Variants in CHP1 observed in about 807,000 individuals in gnomAD.
CHP1 encodes the protein calcineurin B homologous protein 1.
In CHP1, 11 loss-of-function variants were observed where a neutral mutation model predicts 27.4. The ratio of observed to expected loss-of-function variants is 0.40; its 90% CI spans 0.25 to 0.67. The LOEUF is 0.67. Among genes scored for constraint, CHP1 ranks in the 30% least tolerant of loss-of-function variants. The pLI is 0.38. For synonymous variants in CHP1, 89 were observed against 87.4 expected (o/e 1.02, Z -0.10); for missense variants, 169 against 251.3 (o/e 0.67, Z 2.22).
intron 5 of CHP1, chr15:41,272,238 T>C (rs998263327): frequency 3.3e-5 from 5 of 152,082 alleles, no homozygotes; most frequent in Non-Finnish European, 7.3e-5. Flanking sequence ...CCTCAAGTGA[T>C]CCACCCACCT....
At chr15:41,273,519 T>C (rs2047501949) in intron 5 of CHP1, among the ~76,000 whole-genome samples, 1 of 151,838 alleles carries the variant, frequency 6.6e-6, no homozygotes, top group Admixed American at 6.6e-5. Context: ...GTAGCTGGGA[T>C]TATAGGCATG....
chr15:41,252,613 G>GT (rs2047375582), intron 2 of CHP1, among the ~76,000 whole-genome samples: 1 of 152,168 alleles, frequency 6.6e-6, no homozygotes, highest in South Asian at 2.1e-4. Context: ...GAATCTCTCT[G>GT]TAAGAGAAGG....
At chr15:41,274,884 G>C (rs1023983541) in intron 5 of CHP1, among the ~76,000 whole-genome samples, 1 of 145,350 alleles carries the variant, frequency 6.9e-6, no homozygotes, top group African/African-American at 2.5e-5. Context: ...TCCACCTCCC[G>C]GGTTCAAGTG....
chr15:41,231,403 G>C lies in CHP1; in HGVS notation c.21G>C (p.Thr7=), dbSNP rs1379277407. The C allele has an allele frequency of 6.2e-7, 1 of 1,604,212 alleles. No individual in the cohort carries two copies. Among genetic ancestry groups the C allele is most frequent in the Non-Finnish European group, 8.5e-7 (1 of 1,176,522 alleles). The change falls in exon 1 of 7, where the codon ACG becomes ACC. Residue 7 remains threonine, a synonymous_variant. Transcript: ENST00000334660. The part of the protein sequence containing the change: MGSRAS[T]LLRDEELEEI... ...CGGCGATGGGTTCTCGGGCCTCCAC[G>C]TTACTGCGGGACGAAGAGCTCGAGG...
chr15:41,262,950 C>T, intron 4 of CHP1, 67 bp downstream of exon 4: 1 of 1,583,444 alleles, frequency 6.3e-7, no homozygotes, highest in Non-Finnish European at 8.6e-7. Flanking sequence ...TGTATTTACT[C>T]ACTCATTATT....
chr15:41,252,927 GTTTTTTTTTT>G (rs144891496), intron 2 of CHP1, among the ~76,000 whole-genome samples: 1 of 65,792 alleles, frequency 1.5e-5, no homozygotes, highest in African/African-American at 5.9e-5. Context: ...ATTTCACATG[GTTTTTTTTTT>G]TTTTTTTTTT....
intron 5 of CHP1, among the ~76,000 whole-genome samples, chr15:41,275,620 A>G (rs1020977895): frequency 6.6e-5 from 10 of 152,304 alleles, no homozygotes; most frequent in South Asian, 4.1e-4. Context: ...GAGTGCAGCA[A>G]CTATTCACAG....
intron 1 of CHP1, 63 bp from the exon 2 acceptor site, chr15:41,243,604 G>T: frequency 7.6e-7 from 1 of 1,309,460 alleles, no homozygotes; most frequent in East Asian, 2.3e-5. Context: ...TGACAGCGAG[G>T]GGTGGGTTCA....
intron 3 of CHP1, among the ~76,000 whole-genome samples, chr15:41,261,630 G>A (rs1368912541): frequency 6.6e-6 from 1 of 151,086 alleles, no homozygotes; most frequent in Non-Finnish European, 1.5e-5. Context: ...AGGCCGAGGT[G>A]GGCAGATCAT....
intron 5 of CHP1, 42 bp downstream of exon 5, chr15:41,270,660 C>T (rs2047484188): frequency 2.7e-6 from 4 of 1,475,574 alleles, no homozygotes; most frequent in Non-Finnish European, 3.8e-6. Context: ...TGGACTCTGC[C>T]TGCTTATTAG....
intron 5 of CHP1, among the ~76,000 whole-genome samples, chr15:41,273,687 TA>T (rs879274672): frequency 3.7e-3 from 525 of 140,490 alleles, no homozygotes; most frequent in Middle Eastern, 7.2e-3. Flanking sequence ...ATTCATGATT[TA>T]AAAAAAAAAA....
At chr15:41,264,721 A>C (rs951593160) in intron 4 of CHP1, among the ~76,000 whole-genome samples, 1 of 152,222 alleles carries the variant, frequency 6.6e-6, no homozygotes, top group African/African-American at 2.4e-5. Context: ...CTGGGATTAC[A>C]GGCATGAGCC....
rs2047483623 is a variant in CHP1 at position 41,270,548 on chromosome 15, C to T, written c.350-9C>T. On this transcript the variant is annotated splice_polypyrimidine_tract_variant and intron_variant, in intron 4 of 6. Coordinates refer to ENST00000334660, the MANE Select transcript of CHP1 (RefSeq NM_007236.5). Reference sequence around the variant, plus strand: ...GAATTTTGACTAACTTTGTGTTTTTCCCTTACAGTTGCTTTTCGACTATAT... The same window carrying T: ...GAATTTTGACTAACTTTGTGTTTTTTCCTTACAGTTGCTTTTCGACTATAT... 5 of 1,611,724 alleles carry T rather than the reference C, an allele frequency of 3.1e-6. No individual in the cohort carries two copies. Among genetic ancestry groups the T allele is most frequent in the Non-Finnish European group, 4.2e-6 (5 of 1,177,938 alleles).
chr15:41,278,475 T>C (rs181590238), intron 5 of CHP1, among the ~76,000 whole-genome samples: 63 of 150,616 alleles, frequency 4.2e-4, no homozygotes, highest in African/African-American at 1.6e-3. Flanking sequence ...TAGTACCCAG[T>C]AGTTATTTTT....
At chr15:41,241,717 GAATTCACAGCCAC>G (rs1260475103) in intron 1 of CHP1, among the ~76,000 whole-genome samples, 1 of 152,210 alleles carries the variant, frequency 6.6e-6, no homozygotes, top group Non-Finnish European at 1.5e-5. Flanking sequence ...TGATGCTGAA[GAATTCACAGCCAC>G]ACATAGTGTG....
At chr15:41,238,355 C>G (rs1284894765) in intron 1 of CHP1, among the ~76,000 whole-genome samples, 1 of 151,870 alleles carries the variant, frequency 6.6e-6, no homozygotes, top group Non-Finnish European at 1.5e-5. Context: ...GAGATGAAGT[C>G]TTGCTTTGTT....
rs1201571418 is a variant in CHP1, at chr15:41,270,622, T to C, written c.411+4T>C. Reference sequence around the variant, plus strand: ...CTCCCGTGATGAGCTGTTACAGGTATGTGGAGAGCTCCTCGAGAACTTGTG... The same window carrying C: ...CTCCCGTGATGAGCTGTTACAGGTACGTGGAGAGCTCCTCGAGAACTTGTG... On this transcript the variant is annotated splice_donor_region_variant and intron_variant, in intron 5 of 6. Transcript: ENST00000334660. The C allele has an allele frequency of 1.9e-6, 3 of 1,610,796 alleles. No homozygotes were observed. The highest frequency in any genetic ancestry group is 4.5e-5 in the East Asian group (2 of 44,884).
At chr15:41,240,136 G>A (rs1427959954) in intron 1 of CHP1, among the ~76,000 whole-genome samples, 2 of 151,804 alleles carry the variant, frequency 1.3e-5, no homozygotes, top group Non-Finnish European at 2.9e-5. Flanking sequence ...ATGTTTAATG[G>A]CTCATTTGTG....
chr15:41,247,867 G>A (rs963955297), intron 2 of CHP1, among the ~76,000 whole-genome samples: 17 of 151,730 alleles, frequency 1.1e-4, no homozygotes, highest in African/African-American at 3.9e-4. Context: ...TACTCGGGAG[G>A]CTGAGGCAGG....
Sources: allele counts gnomAD v4.1 joint callset (sites outside exome capture counted in the v4.1 genomes callset), GRCh38; gene constraint gnomAD v4.1.1; transcripts MANE v1.5; gene names NCBI Gene and HGNC (gene_info 2026-07-23, HGNC 2026-07-21).